The following ZFAND3 variants were observed in gnomAD, a reference collection of about 807,000 sequenced individuals.
ZFAND3 encodes the protein AN1-type zinc finger protein 3.
Under a neutral mutation model 29.6 loss-of-function variants are expected in ZFAND3, and 10 were observed. That is an observed-to-expected ratio of 0.34 (90% CI 0.21 to 0.57). The LOEUF (loss-of-function observed/expected upper bound fraction) is 0.57, where lower values mean the gene tolerates loss of function less well. Ranked by LOEUF, ZFAND3 falls within the 20% of genes least tolerant of loss-of-function variation. ZFAND3 has a pLI of 0.86. For missense variants in ZFAND3, 230 were observed against 304.5 expected, an observed-to-expected ratio of 0.76 and a Z score of 1.82; for synonymous variants, 128 against 112.6, an observed-to-expected ratio of 1.14 and a Z score of -0.87.
At chr6:37,884,104 A>G (rs1764946386) in intron 1 of ZFAND3, among the ~76,000 whole-genome samples, 1 of 145,432 alleles carries the variant, frequency 6.9e-6, no homozygotes, top group Admixed American at 6.7e-5. Flanking sequence ...TGGAAGTGGG[A>G]GATTAGAATG....
intron 2 of ZFAND3, among the ~76,000 whole-genome samples, chr6:37,968,736 C>A (rs115755280): frequency 3.9e-4 from 59 of 152,282 alleles, no homozygotes; most frequent in African/African-American, 1.4e-3. Context: ...CTCTGTGTTG[C>A]TGGGGCTGGT....
chr6:37,886,409 T>C (rs1457439423), intron 1 of ZFAND3, among the ~76,000 whole-genome samples: 3 of 152,184 alleles, frequency 2.0e-5, no homozygotes, highest in Non-Finnish European at 4.4e-5. Flanking sequence ...TGGGCCTCAG[T>C]TTTCTGTCTG....
intron 1 of ZFAND3, among the ~76,000 whole-genome samples, chr6:37,825,510 CAG>C (rs1763742744): frequency 6.6e-6 from 1 of 151,958 alleles, no homozygotes; most frequent in African/African-American, 2.4e-5. Context: ...TGATGGAACA[CAG>C]GGAAATAATT....
chr6:37,988,194 A>T (rs538745913), intron 2 of ZFAND3, among the ~76,000 whole-genome samples: 1 of 152,348 alleles, frequency 6.6e-6, no homozygotes, highest in Non-Finnish European at 1.5e-5. Context: ...ACACAGCTGC[A>T]TTATTATTAC....
chr6:37,900,643 A>G (rs1347402829), intron 1 of ZFAND3, among the ~76,000 whole-genome samples: 2 of 152,236 alleles, frequency 1.3e-5, no homozygotes, highest in Non-Finnish European at 2.9e-5. Context: ...TAACAAGGTT[A>G]TTAACTCATT....
At chr6:38,084,930 G>C (rs1341089464) in intron 4 of ZFAND3, among the ~76,000 whole-genome samples, 3 of 152,208 alleles carry the variant, frequency 2.0e-5, no homozygotes, top group African/African-American at 7.2e-5. Flanking sequence ...AGGCTAGCCA[G>C]ACTGCCTCAG....
intron 4 of ZFAND3, among the ~76,000 whole-genome samples, chr6:38,096,157 A>G (rs565506877): frequency 6.6e-6 from 1 of 152,108 alleles, no homozygotes; most frequent in East Asian, 1.9e-4. Flanking sequence ...AGAACTCATT[A>G]GGGTTTTGTT....
chr6:38,140,119 G>A (rs959250906), intron 5 of ZFAND3, among the ~76,000 whole-genome samples: 1 of 152,204 alleles, frequency 6.6e-6, no homozygotes, highest in Non-Finnish European at 1.5e-5. Context: ...TGAGGAAGTA[G>A]CAAGTGTCCT....
intron 4 of ZFAND3, among the ~76,000 whole-genome samples, chr6:38,087,684 C>G (rs1416991443): frequency 9.9e-5 from 15 of 152,100 alleles, no homozygotes. Flanking sequence ...AGAAGACAGG[C>G]AATAACAAGT....
chr6:38,135,331 A>G (rs1165078064), intron 5 of ZFAND3, among the ~76,000 whole-genome samples: 1 of 152,254 alleles, frequency 6.6e-6, no homozygotes, highest in East Asian at 1.9e-4. Flanking sequence ...TCATTGGAGA[A>G]GTGCCTAAAA....
intron 1 of ZFAND3, among the ~76,000 whole-genome samples, chr6:37,928,405 G>A (rs1214922930): frequency 6.6e-6 from 1 of 152,188 alleles, no homozygotes; most frequent in African/African-American, 2.4e-5. Context: ...CTTGCCTAAC[G>A]TAGAGCACTC....
At chr6:38,067,099 C>G (rs538291358) in intron 3 of ZFAND3, among the ~76,000 whole-genome samples, 2 of 152,328 alleles carry the variant, frequency 1.3e-5, no homozygotes, top group South Asian at 4.1e-4. Flanking sequence ...AGGCACTGTT[C>G]CAAGTACCTT....
chr6:38,096,110 T>C (rs2127475746), intron 4 of ZFAND3, among the ~76,000 whole-genome samples: 1 of 152,304 alleles, frequency 6.6e-6, no homozygotes, highest in East Asian at 1.9e-4. Flanking sequence ...CTGATTATCA[T>C]TTTTATGAGT....
At chr6:37,828,674 A>G (rs1763802141) in intron 1 of ZFAND3, among the ~76,000 whole-genome samples, 1 of 149,422 alleles carries the variant, frequency 6.7e-6, no homozygotes, top group Non-Finnish European at 1.5e-5. Flanking sequence ...TTTGAGACGG[A>G]GTCTCGCTGT....
rs1325278495 is a variant in ZFAND3 at position 38,012,376 on chromosome 6, TA to T, written c.113-49216del. On this transcript the variant is annotated intron_variant, in intron 2 of 5. Coordinates refer to ENST00000287218, the MANE Select transcript of ZFAND3 (RefSeq NM_021943.3). ...GAGCTTCCTCCTTTCTTTTTGATAGTATTTTTTTTTTTTTTTTTTTGAGTCG... is the reference window on the plus strand; with the variant it reads ...GAGCTTCCTCCTTTCTTTTTGATAGTTTTTTTTTTTTTTTTTTTTGAGTCG... 7.0e-3 allele frequency among the ~76,000 whole-genome samples: 974 copies of T among 138,822 alleles called. 10 individuals carry two copies. The highest frequency in any genetic ancestry group is 0.024 in the African/African-American group (911 of 38,056). 91.1% of individuals were successfully genotyped at this position (138,822 alleles called of 152,430 possible). A position where few individuals can be genotyped will look rare whatever the true frequency, so the allele number is the denominator to read the frequency against.
intron 2 of ZFAND3, among the ~76,000 whole-genome samples, chr6:37,990,441 G>A (rs1379848805): frequency 1.3e-5 from 2 of 152,156 alleles, no homozygotes; most frequent in Non-Finnish European, 2.9e-5. Context: ...ATTTGAAATA[G>A]CACATAATTG....
intron 1 of ZFAND3, among the ~76,000 whole-genome samples, chr6:37,848,857 C>T (rs73417502): frequency 0.067 from 10,145 of 151,922 alleles, 405 homozygotes; most frequent in Non-Finnish European, 0.085. Context: ...ATGCTGAAGA[C>T]AATTATAGAC....
chr6:38,132,877 G>A (rs140365830), intron 5 of ZFAND3, among the ~76,000 whole-genome samples: 5 of 152,270 alleles, frequency 3.3e-5, no homozygotes, highest in South Asian at 2.1e-4. Context: ...TCTGCCCTCC[G>A]GAGCAGTCTG....
chr6:38,101,405 C>T (rs1765089776), intron 4 of ZFAND3, among the ~76,000 whole-genome samples: 1 of 152,184 alleles, frequency 6.6e-6, no homozygotes, highest in African/African-American at 2.4e-5. Context: ...TTTCTCTGGG[C>T]ACTCTGTGTC....
Sources: allele counts gnomAD v4.1 joint callset (sites outside exome capture counted in the v4.1 genomes callset), GRCh38; gene constraint gnomAD v4.1.1; transcripts MANE v1.5; gene names NCBI Gene and HGNC (gene_info 2026-07-23, HGNC 2026-07-21).